Variants in PFKP observed in about 807,000 individuals in gnomAD.
PFKP encodes the protein phosphofructokinase, platelet, also known as ATP-dependent 6-phosphofructokinase, platelet type.
A neutral mutation model predicts 94.3 loss-of-function variants in PFKP; 101 were observed. The ratio of observed to expected loss-of-function variants is 1.07; its 90% CI spans 0.91 to 1.26. The LOEUF is 1.26. Among genes scored for constraint, PFKP ranks in the 50% most tolerant of loss-of-function variants. The pLI is 0.00. For missense variants in PFKP, 1,145 were observed against 1,103.3 expected (o/e 1.04, Z -0.53); for synonymous variants, 573 against 432.6 (o/e 1.32, Z -4.03).
intron 1 of PFKP, chr10:3,068,479 C>G: frequency 5.8e-6 from 1 of 172,124 alleles, no homozygotes; most frequent in Middle Eastern, 2.7e-3. Flanking sequence ...CGCCAGCCTC[C>G]GCAGACGGGA....
chr10:3,100,512 T>C (rs1041601328), intron 3 of PFKP, among the ~76,000 whole-genome samples: 3 of 152,166 alleles, frequency 2.0e-5, no homozygotes, highest in Non-Finnish European at 4.4e-5. Flanking sequence ...GCGTGCACCA[T>C]TGGTGTATCG....
chr10:3,120,142 C>T (rs904743210), intron 16 of PFKP, 98 bp downstream of exon 16: 8 of 935,594 alleles, frequency 8.6e-6, no homozygotes, highest in Non-Finnish European at 1.3e-5. Context: ...TAGCCTTTTA[C>T]AAATACCCTG....
At position 3,082,111 on chromosome 10, in the gene PFKP, C is replaced by T. The variant is rs969504470; in HGVS notation, c.113-277C>T. On this transcript the variant is annotated intron_variant, in intron 1 of 21. Coordinates refer to ENST00000381125, the MANE Select transcript of PFKP (RefSeq NM_002627.5). ...GCAAATAAACCCCTATTCTGTACTT[C>T]GTTTTGCAGTTGAATGGAGTGGCCT... is the stretch of plus-strand genomic sequence containing the variant. Among the ~76,000 whole-genome samples the T allele has an allele frequency of 5.3e-5, 8 of 149,930 alleles. No individual in the cohort carries two copies. In the East Asian group the frequency reaches 6.0e-4, roughly 11 times the overall value.
At chr10:3,131,712 G>A (rs775859821) in intron 17 of PFKP, among the ~76,000 whole-genome samples, 5 of 152,116 alleles carry the variant, frequency 3.3e-5, no homozygotes, top group Admixed American at 6.5e-5. Context: ...ATCCGCCTTG[G>A]CCTCCCAAAG....
chr10:3,092,635 A>G (rs562387431), intron 2 of PFKP, among the ~76,000 whole-genome samples: 2 of 152,310 alleles, frequency 1.3e-5, no homozygotes, highest in East Asian at 3.9e-4. Flanking sequence ...AGATACTCAC[A>G]TGTACCCCAC....
At chr10:3,104,542 C>A (rs1835352557) in intron 5 of PFKP, among the ~76,000 whole-genome samples, 1 of 152,254 alleles carries the variant, frequency 6.6e-6, no homozygotes, top group South Asian at 2.1e-4. Context: ...TCCCAGTCCT[C>A]TGTGTGCGTG....
At chr10:3,077,243 TCTTTA>T (rs1396973383) in intron 1 of PFKP, among the ~76,000 whole-genome samples, 1 of 140,492 alleles carries the variant, frequency 7.1e-6, no homozygotes. Flanking sequence ...GTTCATCTAT[TCTTTA>T]CTTTTTTTTT....
In PFKP at chr10:3,108,785, A is replaced by G. The variant is rs1210240949; in HGVS notation, c.955A>G (p.Arg319Gly). 6 of 1,610,560 alleles carry G rather than the reference A, an allele frequency of 3.7e-6. No individual in the cohort carries two copies. Among genetic ancestry groups the G allele is most frequent in the South Asian group, 1.1e-5 (1 of 91,014 alleles). Reference protein sequence around the residue: ...QRGGTPSAFDRILASRMGVEA... With the variant: ...QRGGTPSAFDGILASRMGVEA... ...AGGAGGGACCCCTTCGGCATTCGAC[A>G]GGATCTTGGTGAGTTGGGAAGGGTT... Residue 319 changes from arginine (R) to glycine (G), a missense_variant, in exon 9 of 22, where the codon AGG becomes GGG. This residue lies in a region of PFKP where 1,119 missense variants were observed against 1,062.8 expected (regional missense o/e 1.05). Transcript: ENST00000381125.
chr10:3,071,170 C>T (rs113154165), intron 1 of PFKP, among the ~76,000 whole-genome samples: 5,933 of 152,152 alleles, frequency 0.039, 182 homozygotes, highest in Non-Finnish European at 0.056. Context: ...CTTTGGGTGG[C>T]TTTGTTAGGG....
chr10:3,134,470 T>C lies in PFKP; in HGVS notation c.2023-13T>C, dbSNP rs1351108492. 2.0e-6 allele frequency: 3 copies of C among 1,517,982 alleles called. No homozygotes were observed. Among genetic ancestry groups the C allele is most frequent in the Non-Finnish European group, 2.7e-6 (3 of 1,092,398 alleles). 94.0% of individuals were successfully genotyped at this position (1,517,982 alleles called of 1,614,324 possible). A position where few individuals can be genotyped will look rare whatever the true frequency, so the allele number is the denominator to read the frequency against. ...GTATAACTGGTATTTCATATAACTC[T>C]AACCACCAACAGGGTGGGGCACCCT... On this transcript the variant is annotated splice_polypyrimidine_tract_variant and intron_variant, in intron 19 of 21. Coordinates refer to ENST00000381125, the MANE Select transcript of PFKP (RefSeq NM_002627.5).
At chr10:3,081,509 T>A (rs187335157) in intron 1 of PFKP, among the ~76,000 whole-genome samples, 56 of 152,328 alleles carry the variant, frequency 3.7e-4, no homozygotes, top group Non-Finnish European at 7.4e-4. Flanking sequence ...AAGGCTCAGG[T>A]GTTCCTCATC....
At chr10:3,135,993 C>A (rs987391604) in intron 21 of PFKP, among the ~76,000 whole-genome samples, 155 bp downstream of exon 21, 1 of 152,042 alleles carries the variant, frequency 6.6e-6, no homozygotes, top group Non-Finnish European at 1.5e-5. Flanking sequence ...TGGCTGGGCG[C>A]GGTGGCTCAT....
At chr10:3,135,883 T>C in intron 21 of PFKP, 45 bp downstream of exon 21, 1 of 1,182,668 alleles carries the variant, frequency 8.5e-7, no homozygotes, top group Non-Finnish European at 1.3e-6. Context: ...CCAATGTGAG[T>C]ACGGGACAGG....
chr10:3,132,239 A>G (rs1838673621), intron 17 of PFKP, 141 bp from the exon 18 acceptor site: 1 of 635,410 alleles, frequency 1.6e-6, no homozygotes. Context: ...AGGCTCCCCA[A>G]GACCCAAGCC....
At position 3,111,705 on chromosome 10, in the gene PFKP, C is replaced by T. The variant is rs371217676; in HGVS notation, c.1090-517C>T. On this transcript the variant is annotated intron_variant, in intron 10 of 21. Transcript: ENST00000381125. ...ACTTGACCAAGATCCTGACGTTGCC[C>T]AGGGCTGCCTGGCGTGCATCAGTCC... 5.9e-5 allele frequency among the ~76,000 whole-genome samples: 9 copies of T among 152,186 alleles called. No individual in the cohort carries two copies. In the South Asian group the frequency reaches 8.3e-4, roughly 14 times the overall value.
intron 10 of PFKP, among the ~76,000 whole-genome samples, chr10:3,110,365 ATTTTT>A (rs57980780): frequency 4.6e-4 from 43 of 92,574 alleles, no homozygotes; most frequent in African/African-American, 1.6e-3. Flanking sequence ...CGCCTGGCTA[ATTTTT>A]TTTTTTTTTT....
chr10:3,125,438 A>G (rs1328807812), intron 16 of PFKP, among the ~76,000 whole-genome samples: 1 of 152,072 alleles, frequency 6.6e-6, no homozygotes, highest in African/African-American at 2.4e-5. Context: ...GCCTGTCTTT[A>G]TTGATTAAAA....
intron 11 of PFKP, 113 bp downstream of exon 11, chr10:3,112,399 A>T (rs1588502264): frequency 1.2e-6 from 1 of 817,724 alleles, no homozygotes; most frequent in Non-Finnish European, 2.2e-6. Context: ...GAAAAATCAG[A>T]AAGTCAGGCA....
intron 2 of PFKP, among the ~76,000 whole-genome samples, chr10:3,089,483 G>A (rs1480293634): frequency 6.6e-6 from 1 of 152,102 alleles, no homozygotes; most frequent in East Asian, 1.9e-4. Context: ...CTGCTGGCTT[G>A]TGGGGGAGTT....
Sources: allele counts gnomAD v4.1 joint callset (sites outside exome capture counted in the v4.1 genomes callset), GRCh38; gene constraint gnomAD v4.1.1; regional missense constraint gnomAD v4.1.1; transcripts MANE v1.5; gene names NCBI Gene and HGNC (gene_info 2026-07-23, HGNC 2026-07-21).